PCDHA7: variants seen among roughly 807,000 people sequenced by gnomAD.
The protein encoded by PCDHA7 is protocadherin alpha 7, also known as protocadherin alpha-7.
Under a neutral mutation model 57.2 loss-of-function variants are expected in PCDHA7, and 37 were observed. The observed-to-expected ratio is 0.65, with a 90% CI of 0.50 to 0.85. The LOEUF (loss-of-function observed/expected upper bound fraction) is 0.85. Ranked by LOEUF, PCDHA7 falls within the 40% of genes least tolerant of loss-of-function variation. PCDHA7 has a pLI of 0.00. For missense variants in PCDHA7, 1,188 were observed against 1,241.8 expected (o/e 0.96, Z 0.65); for synonymous variants, 553 against 558.8 (o/e 0.99, Z 0.15).
chr5:140,932,021 GT>G (rs1387709791), intron 1 of PCDHA7, among the ~76,000 whole-genome samples: 11 of 151,964 alleles, frequency 7.2e-5, no homozygotes, highest in African/African-American at 2.6e-4. Flanking sequence ...TTTACGGTAA[GT>G]TTACAGTATA....
intron 1 of PCDHA7, among the ~76,000 whole-genome samples, chr5:140,901,408 T>A (rs2068650771): frequency 6.6e-6 from 1 of 152,190 alleles, no homozygotes; most frequent in African/African-American, 2.4e-5. Flanking sequence ...GAGATAGGGG[T>A]CTAGTTTCAT....
chr5:140,841,934 G>T lies in PCDHA7; in HGVS notation c.2355+5196G>T, dbSNP rs1281777181. 5 of 1,613,780 alleles carry T rather than the reference G, an allele frequency of 3.1e-6. No individual in the cohort carries two copies. In the African/African-American group the frequency reaches 6.7e-5, roughly 22 times the overall value. ...AAGAAAATCCTTGGACAGAGAGGAC[G>T]CTCCTGCGCACCACTTATTCCTGAC... On this transcript the variant is annotated intron_variant, in intron 1 of 3. Transcript: ENST00000525929.
chr5:140,908,949 G>A (rs2074237561), intron 1 of PCDHA7, among the ~76,000 whole-genome samples: 1 of 152,144 alleles, frequency 6.6e-6, no homozygotes, highest in South Asian at 2.1e-4. Context: ...CTTCACCTTA[G>A]AAGGAATATC....
Position 140,968,677 on chromosome 5 carries a change from G to A in PCDHA7, c.2356-10272G>A, listed in dbSNP as rs781795184. The A allele has an allele frequency of 5.0e-6, 8 of 1,614,156 alleles. No individual in the cohort carries two copies. In the South Asian group the frequency reaches 8.8e-5, roughly 18 times the overall value. ...ACCTGGACCTCTTTAAGGTAGAGCTGCACACAGGAGAAATTAGGACTACCA... is the reference window on the plus strand; with the variant it reads ...ACCTGGACCTCTTTAAGGTAGAGCTACACACAGGAGAAATTAGGACTACCA... On this transcript the variant is annotated intron_variant, in intron 1 of 3. Coordinates refer to ENST00000525929, the MANE Select transcript of PCDHA7 (RefSeq NM_018910.3).
chr5:140,981,504 G>A (rs1435264364), intron 2 of PCDHA7, among the ~76,000 whole-genome samples: 1 of 152,182 alleles, frequency 6.6e-6, no homozygotes, highest in African/African-American at 2.4e-5. Flanking sequence ...AACCTGGGAG[G>A]CAGAGGTTGC....
chr5:140,986,372 G>A lies in PCDHA7; in HGVS notation c.2503+3809G>A, dbSNP rs570215048. ...TCTTCAGATGGAGGAATGCGTTTTG[G>A]GGGGAGGGACATTAAAGGGCCAGTC... On this transcript the variant is annotated intron_variant, in intron 3 of 3. Coordinates refer to ENST00000525929, the MANE Select transcript of PCDHA7 (RefSeq NM_018910.3). Among the ~76,000 whole-genome samples, 23 of 152,248 alleles carry A rather than the reference G, an allele frequency of 1.5e-4. No homozygotes were observed. In the East Asian group the frequency reaches 1.7e-3, roughly 12 times the overall value.
At chr5:140,838,077 AGTGTGTGTG>A (rs1443750865) in intron 1 of PCDHA7, among the ~76,000 whole-genome samples, 47 of 80,696 alleles carry the variant, frequency 5.8e-4, no homozygotes, top group South Asian at 1.3e-3. Flanking sequence ...ATATATATAT[AGTGTGTGTG>A]TGTGTGTGTG....
At chr5:140,849,612 A>T in intron 1 of PCDHA7, 1 of 1,598,736 alleles carries the variant, frequency 6.3e-7, no homozygotes. Context: ...TGCCCTGATT[A>T]GTGTGATCGA....
At chr5:140,898,015 T>C (rs376663063) in intron 1 of PCDHA7, among the ~76,000 whole-genome samples, 3 of 152,154 alleles carry the variant, frequency 2.0e-5, no homozygotes, top group Non-Finnish European at 4.4e-5. Context: ...TCATATCCTT[T>C]GCCCACTTTT....
intron 1 of PCDHA7, among the ~76,000 whole-genome samples, chr5:140,837,614 C>G (rs188278547): frequency 3.4e-5 from 5 of 147,660 alleles, no homozygotes; most frequent in African/African-American, 1.3e-4. Flanking sequence ...TTATAATTTG[C>G]CCCTTCCTTC....
chr5:140,992,584 T>C (rs1327367703), intron 3 of PCDHA7, among the ~76,000 whole-genome samples: 1 of 152,194 alleles, frequency 6.6e-6, no homozygotes, highest in Non-Finnish European at 1.5e-5. Context: ...CTGCCTTGTA[T>C]GCATCTAGCG....
rs1554262827 is a variant in PCDHA7 at position 141,010,253 on chromosome 5, C to A, written c.*316C>A. The A allele has an allele frequency of 3.2e-6, 5 of 1,551,834 alleles. No homozygotes were observed. The highest frequency in any genetic ancestry group is 1.7e-4 in the Middle Eastern group (1 of 5,990). On this transcript the variant is annotated 3_prime_UTR_variant, in exon 4 of 4. Transcript: ENST00000525929. ...CGCCAGTGAGAGGTTGGACTCTCTG[C>A]CCTGTGCTCCGGGGATCCTGTCTTG...
rs2150239032 is a variant in PCDHA7 at position 140,835,597 on chromosome 5, A to G, written c.1214A>G (p.Tyr405Cys). The G allele has an allele frequency of 3.1e-6, 5 of 1,613,762 alleles. No individual in the cohort carries two copies. Among genetic ancestry groups the G allele is most frequent in the East Asian group, 2.2e-5 (1 of 44,812 alleles). Residue 405 changes from tyrosine (Y) to cysteine (C), a missense_variant, in exon 1 of 4, where the codon TAT becomes TGT. Tyr to Cys is a radical substitution (Grantham distance 194, BLOSUM62 -2). Coordinates refer to ENST00000525929, the MANE Select transcript of PCDHA7 (RefSeq NM_018910.3). ...TTGGTGTCCACCTTCAAGAATTACT[A>G]TTCATTGGTGCTGGACAGCGCTCTG... ...FKLVSTFKNY[Y>C]SLVLDSALDR...
chr5:140,961,504 G>T (rs2095618659), intron 1 of PCDHA7, among the ~76,000 whole-genome samples: 1 of 152,112 alleles, frequency 6.6e-6, no homozygotes, highest in African/African-American at 2.4e-5. Flanking sequence ...GGGAGACTTT[G>T]TTTAATGTCT....
intron 1 of PCDHA7, among the ~76,000 whole-genome samples, chr5:140,905,476 C>A (rs904790256): frequency 6.6e-6 from 1 of 152,158 alleles, no homozygotes; most frequent in East Asian, 1.9e-4. Flanking sequence ...GTGATGCCTT[C>A]AGATTTCTTC....
chr5:140,905,991 G>C (rs1377300111), intron 1 of PCDHA7, among the ~76,000 whole-genome samples: 1 of 152,156 alleles, frequency 6.6e-6, no homozygotes, highest in Non-Finnish European at 1.5e-5. Flanking sequence ...AAAGATGTAG[G>C]CTGGGAGGCT....
intron 1 of PCDHA7, among the ~76,000 whole-genome samples, chr5:140,913,656 T>A (rs2076420236): frequency 6.6e-6 from 1 of 152,152 alleles, no homozygotes; most frequent in African/African-American, 2.4e-5. Context: ...TTCTTTAAGA[T>A]GTATAGTTAG....
At position 140,852,833 on chromosome 5, in the gene PCDHA7, T is replaced by G. The variant is rs2150523071; in HGVS notation, c.2355+16095T>G. On this transcript the variant is annotated intron_variant, in intron 1 of 3. Coordinates refer to ENST00000525929, the MANE Select transcript of PCDHA7 (RefSeq NM_018910.3). ...CCCGCCCTAAGTCCTCCAGTCTCCT[T>G]AGAGCTAGTACTTACTAAGCATTTA... 7.2e-6 allele frequency: 7 copies of G among 971,734 alleles called. No individual in the cohort carries two copies. The African/African-American group carries it at 1.1e-4, about 15-fold the overall frequency. The allele number at this position is 971,734 out of a possible 1,614,324, so 60.2% of individuals were successfully genotyped here.
At position 140,997,438 on chromosome 5, in the gene PCDHA7, A is replaced by G. The variant is rs182158337; in HGVS notation, c.2504-12189A>G. ...CTCCTAGGCTACAAACCTGTATATC[A>G]TGTTACTATACTGAATACTGTAGGC... On this transcript the variant is annotated intron_variant, in intron 3 of 3. Transcript: ENST00000525929. Among the ~76,000 whole-genome samples, 274 of 152,308 alleles carry G rather than the reference A, an allele frequency of 1.8e-3. 2 individuals are homozygous for G. The highest frequency in any genetic ancestry group is 6.0e-3 in the African/African-American group (248 of 41,560).
Sources: gnomAD v4.1 joint callset for allele counts (sites outside exome capture counted in the v4.1 genomes callset) on GRCh38, gnomAD v4.1.1 for gene constraint, MANE v1.5 for transcripts, NCBI Gene and HGNC (gene_info 2026-07-23, HGNC 2026-07-21) for gene names.